The following MAD1L1 variants were observed in gnomAD, a reference collection of about 807,000 sequenced individuals.
MAD1L1 encodes the protein mitotic spindle assembly checkpoint protein MAD1.
A neutral mutation model predicts 96.9 loss-of-function variants in MAD1L1; 95 were observed. That is an observed-to-expected ratio of 0.98 (90% CI 0.83 to 1.16). MAD1L1 has a LOEUF of 1.16. Ranked by LOEUF, MAD1L1 falls within the 50% of genes most tolerant of loss-of-function variation. MAD1L1 has a pLI of 0.00. For synonymous variants in MAD1L1, 473 were observed against 396.6 expected, an observed-to-expected ratio of 1.19 and a Z score of -2.29; for missense variants, 1,007 against 954.4, an observed-to-expected ratio of 1.06 and a Z score of -0.73.
intron 12 of MAD1L1, among the ~76,000 whole-genome samples, chr7:2,025,038 G>C (rs1024957095): frequency 6.6e-6 from 1 of 152,168 alleles, no homozygotes; most frequent in Non-Finnish European, 1.5e-5. Context: ...ATGGGCTTTG[G>C]TTAAAAATAA....
At chr7:1,838,325 T>C (rs536625048) in intron 18 of MAD1L1, among the ~76,000 whole-genome samples, 48 of 152,352 alleles carry the variant, frequency 3.2e-4, no homozygotes, top group African/African-American at 1.2e-3. Context: ...CTTCCGCTTA[T>C]GGGTGTACAC....
intron 11 of MAD1L1, chr7:2,109,677 A>C (rs1787277925): frequency 6.6e-6 from 1 of 152,214 alleles, no homozygotes; most frequent in Non-Finnish European, 1.5e-5. Flanking sequence ...AATAGTTTTA[A>C]ACACTTCTGT....
intron 18 of MAD1L1, among the ~76,000 whole-genome samples, chr7:1,837,780 G>A (rs1380995288): frequency 1.3e-5 from 2 of 152,236 alleles, no homozygotes; most frequent in African/African-American, 4.8e-5. Flanking sequence ...GCCTGGGGTC[G>A]GGTTGCAGTG....
chr7:2,070,009 T>G (rs1451934015), intron 11 of MAD1L1, among the ~76,000 whole-genome samples: 1 of 146,662 alleles, frequency 6.8e-6, no homozygotes, highest in East Asian at 2.0e-4. Context: ...CGGCTCTCAC[T>G]AGACCCCTCT....
At chr7:2,050,710 C>T (rs1784130700) in intron 12 of MAD1L1, among the ~76,000 whole-genome samples, 1 of 152,178 alleles carries the variant, frequency 6.6e-6, no homozygotes, top group Admixed American at 6.5e-5. Flanking sequence ...GGGGCAGAGG[C>T]TGCGGAGGGA....
intron 17 of MAD1L1, among the ~76,000 whole-genome samples, chr7:1,909,344 T>C (rs1415718655): frequency 1.3e-5 from 2 of 152,198 alleles, no homozygotes; most frequent in Non-Finnish European, 2.9e-5. Flanking sequence ...GAGCCAGGCT[T>C]CCCGGGACTG....
In MAD1L1 at chr7:1,863,100, C is replaced by G. The variant is rs542548503; in HGVS notation, c.1998+35100G>C. ...CACTCCGCACCCTCCATCCAACCCC[C>G]CAACCAGAGGAGGGAGCCCCAAGCC... On this transcript the variant is annotated intron_variant, in intron 18 of 18. Transcript: ENST00000265854. Among the ~76,000 whole-genome samples the G allele has an allele frequency of 5.3e-5, 8 of 152,378 alleles. No individual in the cohort carries two copies. In the East Asian group the frequency reaches 1.2e-3, roughly 22 times the overall value.
At chr7:2,156,252 C>T (rs1411012087) in intron 10 of MAD1L1, among the ~76,000 whole-genome samples, 2 of 149,276 alleles carry the variant, frequency 1.3e-5, no homozygotes, top group African/African-American at 5.0e-5. Flanking sequence ...CATGGTTTCA[C>T]GGCGCGTGTG....
intron 18 of MAD1L1, among the ~76,000 whole-genome samples, chr7:1,886,284 G>A (rs1042679714): frequency 6.6e-6 from 1 of 152,218 alleles, no homozygotes; most frequent in African/African-American, 2.4e-5. Flanking sequence ...ATCAGTGCAC[G>A]GGAGATGGTG....
At chr7:2,083,765 G>C (rs1048910782) in intron 11 of MAD1L1, among the ~76,000 whole-genome samples, 1 of 152,266 alleles carries the variant, frequency 6.6e-6, no homozygotes, top group Non-Finnish European at 1.5e-5. Context: ...GTTCTTCAGG[G>C]AAAAGCACGT....
intron 12 of MAD1L1, among the ~76,000 whole-genome samples, chr7:2,044,620 G>C (rs1480936654): frequency 6.6e-6 from 1 of 152,152 alleles, no homozygotes; most frequent in Admixed American, 6.5e-5. Context: ...TACACATGAA[G>C]TCCCCAGGCG....
chr7:2,180,566 T>G (rs141465431), intron 10 of MAD1L1, among the ~76,000 whole-genome samples: 4 of 152,202 alleles, frequency 2.6e-5, no homozygotes, highest in African/African-American at 9.7e-5. Context: ...GTAATAAAAA[T>G]AGTGCAACTG....
At chr7:2,092,028 C>T (rs1020500112) in intron 11 of MAD1L1, among the ~76,000 whole-genome samples, 1 of 152,168 alleles carries the variant, frequency 6.6e-6, no homozygotes, top group Non-Finnish European at 1.5e-5. Flanking sequence ...TCAGGTCATA[C>T]GATAAGACCG....
At position 2,119,622 on chromosome 7, in the gene MAD1L1, G is replaced by A. The variant is rs1787880512; in HGVS notation, c.1073+29530C>T. Among the ~76,000 whole-genome samples, 1 of 152,160 alleles carries A rather than the reference G, an allele frequency of 6.6e-6. No homozygotes were observed. The highest frequency in any genetic ancestry group is 6.5e-5 in the Admixed American group (1 of 15,282). On this transcript the variant is annotated intron_variant, in intron 11 of 18. Coordinates refer to ENST00000265854, the MANE Select transcript of MAD1L1 (RefSeq NM_001013836.2). This position sits in a 1 kb window ranked among gnomAD's most constrained non-coding sequence, Gnocchi z 4.6. ...CAAGCCCTTGACTTAGTGGCAGGTG[G>A]GCTACAGCTGCAGGACAGAGGGCTG...
chr7:1,894,526 C>T (rs914332658), intron 18 of MAD1L1, among the ~76,000 whole-genome samples: 1 of 152,184 alleles, frequency 6.6e-6, no homozygotes, highest in Non-Finnish European at 1.5e-5. Context: ...TTGCAGCCTC[C>T]GAAGTGAGCC....
At position 1,904,489 on chromosome 7, in the gene MAD1L1, G is replaced by A. The variant is rs541581848; in HGVS notation, c.1808-6099C>T. Among the ~76,000 whole-genome samples, 6 of 134,112 alleles carry A rather than the reference G, an allele frequency of 4.5e-5. 1 individual carries two copies. The highest frequency in any genetic ancestry group is 1.0e-4 in the African/African-American group (3 of 30,008). 88.0% of individuals were successfully genotyped at this position (134,112 alleles called of 152,430 possible). On this transcript the variant is annotated intron_variant, in intron 17 of 18. Coordinates refer to ENST00000265854, the MANE Select transcript of MAD1L1 (RefSeq NM_001013836.2). ...AAGCACTGTTCCAGGCAGCGAGGAC[G>A]CAGTGGCCTATGGAAGATGCTCTTG...
intron 10 of MAD1L1, 48 bp from the exon 11 acceptor site, chr7:2,149,286 A>C: frequency 6.8e-7 from 1 of 1,470,998 alleles, no homozygotes; most frequent in Admixed American, 1.7e-5. Flanking sequence ...CCCGAGAAGT[A>C]AACCTGATTC....
At chr7:1,882,153 G>A (rs1388535764) in intron 18 of MAD1L1, among the ~76,000 whole-genome samples, 2 of 152,176 alleles carry the variant, frequency 1.3e-5, no homozygotes, top group Non-Finnish European at 2.9e-5. Flanking sequence ...GCCTTGGGAG[G>A]GCAAAGCTCA....
rs771603929 is a variant in MAD1L1 at position 1,898,422 on chromosome 7, C to CGGAG, written c.1808-33_1808-32insCTCC. 6.3e-6 allele frequency: 10 copies of CGGAG among 1,597,814 alleles called. No individual in the cohort carries two copies. The Admixed American group carries it at 1.2e-4, about 19-fold the overall frequency. On this transcript the variant is annotated intron_variant, in intron 17 of 18. Coordinates refer to ENST00000265854, the MANE Select transcript of MAD1L1 (RefSeq NM_001013836.2). ...GAGGGACGGAAGGAGACAGTGAGTGCGGCACCAGGCCGGAGGGGTGGGGAC... is the reference window on the plus strand; with the variant it reads ...GAGGGACGGAAGGAGACAGTGAGTGCGGAGGGCACCAGGCCGGAGGGGTGGGGAC...
Sources: gnomAD v4.1 joint callset for allele counts (sites outside exome capture counted in the v4.1 genomes callset) on GRCh38, gnomAD v4.1.1 for gene constraint, Gnocchi (gnomAD v3.1) non-coding constraint, MANE v1.5 for transcripts, NCBI Gene and HGNC (gene_info 2026-07-23, HGNC 2026-07-21) for gene names.